MYRFL: variants seen among roughly 807,000 people sequenced by gnomAD.
The protein encoded by MYRFL is myelin regulatory factor-like protein.
A neutral mutation model predicts 109.4 loss-of-function variants in MYRFL; 88 were observed. That is an observed-to-expected ratio of 0.80 (90% CI 0.68 to 0.96). The LOEUF is 0.96. MYRFL is among the 40% of genes least tolerant of loss of function. MYRFL has a pLI of 0.00. For missense variants in MYRFL, 957 were observed against 954.9 expected (o/e 1.00, Z -0.03); for synonymous variants, 324 against 320.9 (o/e 1.01, Z -0.10).
intron 1 of MYRFL, among the ~76,000 whole-genome samples, chr12:69,827,224 A>G (rs780209853): frequency 1.3e-5 from 2 of 152,128 alleles, no homozygotes; most frequent in African/African-American, 4.8e-5. Context: ...CCATTTCCTC[A>G]GGCTCTTCAT....
chr12:69,932,651 GTTTCT>G, intron 16 of MYRFL, 53 bp downstream of exon 16: 1 of 1,354,832 alleles, frequency 7.4e-7, no homozygotes, highest in Non-Finnish European at 1.0e-6. Flanking sequence ...TCCTTCCCAT[GTTTCT>G]TTTATCACAT....
At chr12:69,930,111 G>A (rs983985308) in intron 15 of MYRFL, among the ~76,000 whole-genome samples, 7 of 152,116 alleles carry the variant, frequency 4.6e-5, no homozygotes, top group South Asian at 2.1e-4. Context: ...TCCATGCCAC[G>A]ACTCATCTCC....
intron 13 of MYRFL, among the ~76,000 whole-genome samples, chr12:69,922,265 AATAATGATTTAACATTT>A (rs1409456859): frequency 6.6e-6 from 1 of 152,180 alleles, no homozygotes; most frequent in Admixed American, 6.5e-5. Flanking sequence ...AAACATAGTA[AATAATGATTTAACATTT>A]ATCATGATTT....
intron 8 of MYRFL, 37 bp from the exon 9 acceptor site, chr12:69,895,334 T>G (rs765176589): frequency 2.1e-6 from 3 of 1,421,390 alleles, no homozygotes; most frequent in Non-Finnish European, 2.9e-6. Context: ...TGTTCTCTTA[T>G]AGTCTCTTGG....
At chr12:69,937,406 C>CTTCT (rs1955505414) in intron 19 of MYRFL, among the ~76,000 whole-genome samples, 1 of 152,112 alleles carries the variant, frequency 6.6e-6, no homozygotes, top group African/African-American at 2.4e-5. Context: ...ATAACAGTGG[C>CTTCT]TTCTTTATGG....
At chr12:69,881,841 G>A (rs1485252093) in intron 5 of MYRFL, among the ~76,000 whole-genome samples, 2 of 152,254 alleles carry the variant, frequency 1.3e-5, no homozygotes, top group East Asian at 1.9e-4. Context: ...CCTATGCAAT[G>A]CTACCCTAAT....
chr12:69,938,846 C>T (rs1037174437), intron 19 of MYRFL, among the ~76,000 whole-genome samples: 7 of 152,148 alleles, frequency 4.6e-5, no homozygotes, highest in South Asian at 2.1e-4. Flanking sequence ...GCACCGTGCG[C>T]GAGCCGAAGC....
chr12:69,914,655 CCTT>C (rs1379426699), intron 13 of MYRFL, among the ~76,000 whole-genome samples: 1 of 152,292 alleles, frequency 6.6e-6, no homozygotes, highest in East Asian at 1.9e-4. Context: ...GGTCCATCCT[CCTT>C]CTTCCAGGAG....
At chr12:69,827,547 C>T (rs904573454) in intron 1 of MYRFL, among the ~76,000 whole-genome samples, 3 of 151,940 alleles carry the variant, frequency 2.0e-5, no homozygotes, top group African/African-American at 4.8e-5. Context: ...GAAACTCAGA[C>T]GCCATGTGAG....
intron 1 of MYRFL, among the ~76,000 whole-genome samples, chr12:69,842,045 T>A (rs1204191104): frequency 2.0e-5 from 3 of 152,226 alleles, no homozygotes; most frequent in Non-Finnish European, 4.4e-5. Flanking sequence ...TCAGCAAAGA[T>A]GTAAGCCCTA....
At chr12:69,849,430 C>A (rs1047686326) in intron 1 of MYRFL, among the ~76,000 whole-genome samples, 5 of 152,300 alleles carry the variant, frequency 3.3e-5, no homozygotes, top group African/African-American at 1.2e-4. Context: ...ATACCATTCA[C>A]AAATTATATT....
intron 14 of MYRFL, among the ~76,000 whole-genome samples, chr12:69,927,128 A>T (rs936649963): frequency 2.0e-5 from 3 of 151,372 alleles, no homozygotes; most frequent in Non-Finnish European, 4.4e-5. Flanking sequence ...TATTTTTAGT[A>T]GAGACAGGGT....
intron 1 of MYRFL, among the ~76,000 whole-genome samples, chr12:69,843,985 G>A (rs1444479739): frequency 1.3e-5 from 2 of 152,192 alleles, no homozygotes; most frequent in Non-Finnish European, 2.9e-5. Flanking sequence ...TGGCAGGCTT[G>A]GGTGTTATAA....
In MYRFL at chr12:69,840,780, T is replaced by G. The variant is rs181457908; in HGVS notation, c.47-14500T>G. Among the ~76,000 whole-genome samples, 282 of 152,348 alleles carry G rather than the reference T, an allele frequency of 1.9e-3. 2 individuals are homozygous for G. The highest frequency in any genetic ancestry group is 6.7e-3 in the African/African-American group (277 of 41,590). Reference sequence around the variant, plus strand: ...ATGCAGGTTTCTGGATGTTTTCTGCTGTTCTTAGAGTCCAGCAGCCAAGTT... The same window carrying G: ...ATGCAGGTTTCTGGATGTTTTCTGCGGTTCTTAGAGTCCAGCAGCCAAGTT... On this transcript the variant is annotated intron_variant, in intron 1 of 24. Transcript: ENST00000552032.
chr12:69,924,622 T>C (rs1448790472), intron 13 of MYRFL, among the ~76,000 whole-genome samples: 1 of 152,194 alleles, frequency 6.6e-6, no homozygotes, highest in Non-Finnish European at 1.5e-5. Flanking sequence ...TAAAAATATA[T>C]GTAATTTTGC....
chr12:69,911,385 TA>T (rs1290278956), intron 13 of MYRFL, among the ~76,000 whole-genome samples: 1 of 152,236 alleles, frequency 6.6e-6, no homozygotes, highest in African/African-American at 2.4e-5. Context: ...GATTAAAGAT[TA>T]AGTGAAGTGT....
At chr12:69,845,331 C>G (rs1883464479) in intron 1 of MYRFL, among the ~76,000 whole-genome samples, 1 of 152,112 alleles carries the variant, frequency 6.6e-6, no homozygotes, top group African/African-American at 2.4e-5. Context: ...ATGGTAGGTC[C>G]TTAGTAAATT....
chr12:69,904,627 C>T (rs1954296347), intron 11 of MYRFL, among the ~76,000 whole-genome samples: 1 of 152,182 alleles, frequency 6.6e-6, no homozygotes, highest in Non-Finnish European at 1.5e-5. Flanking sequence ...TCTTGGAAAG[C>T]TACAACTGCT....
At chr12:69,842,717 T>C (rs527921700) in intron 1 of MYRFL, among the ~76,000 whole-genome samples, 61 of 152,226 alleles carry the variant, frequency 4.0e-4, no homozygotes, top group Non-Finnish European at 6.9e-4. Flanking sequence ...ATGCCTTTTT[T>C]GTTCCTAGGA....
Sources: gnomAD v4.1 joint callset for allele counts (sites outside exome capture counted in the v4.1 genomes callset) on GRCh38, gnomAD v4.1.1 for gene constraint, MANE v1.5 for transcripts, NCBI Gene and HGNC (gene_info 2026-07-23, HGNC 2026-07-21) for gene names.